Variants in CDH18 observed in about 807,000 individuals in gnomAD.
The protein encoded by CDH18 is cadherin 18.
CDH18 carries 31 observed loss-of-function variants against 67.9 expected under a neutral mutation model. The ratio of observed to expected loss-of-function variants is 0.46; its 90% CI spans 0.34 to 0.62. CDH18 has a LOEUF of 0.62. Ranked by LOEUF, CDH18 falls within the 20% of genes least tolerant of loss-of-function variation. The pLI is 0.01. For missense variants in CDH18, 890 were observed against 975.5 expected (o/e 0.91, Z 1.17); for synonymous variants, 362 against 347.2 (o/e 1.04, Z -0.48).
chr5:20,546,401 A>T (rs906330354), intron 1 of CDH18, among the ~76,000 whole-genome samples: 2 of 45,842 alleles, frequency 4.4e-5, no homozygotes, highest in Admixed American at 2.4e-4. Context: ...ACACTACTAT[A>T]AAAAAAAACT....
At chr5:19,952,250 C>G (rs1268709460) in intron 2 of CDH18, among the ~76,000 whole-genome samples, 2 of 152,038 alleles carry the variant, frequency 1.3e-5, no homozygotes, top group African/African-American at 2.4e-5. Context: ...AGGGTTTCAC[C>G]GTGTTAGCCA....
intron 2 of CDH18, among the ~76,000 whole-genome samples, chr5:20,174,320 T>C (rs746386446): frequency 1.4e-4 from 21 of 152,180 alleles, no homozygotes; most frequent in Admixed American, 2.6e-4. Context: ...AGCTCTACTC[T>C]ACTCTCAGCC....
chr5:20,522,930 T>C (rs1031200286), intron 1 of CDH18, among the ~76,000 whole-genome samples: 3 of 152,206 alleles, frequency 2.0e-5, no homozygotes, highest in Admixed American at 2.0e-4. Flanking sequence ...TCAATAATGA[T>C]TATTATGCAA....
At chr5:19,501,667 TTTAAA>T (rs1165842519) in intron 11 of CDH18, among the ~76,000 whole-genome samples, 3 of 152,044 alleles carry the variant, frequency 2.0e-5, no homozygotes, top group Non-Finnish European at 4.4e-5. Flanking sequence ...TGTTATCAAA[TTTAAA>T]TTATTTTAAA....
At chr5:19,856,497 A>G (rs928550573) in intron 2 of CDH18, among the ~76,000 whole-genome samples, 3 of 152,178 alleles carry the variant, frequency 2.0e-5, no homozygotes, top group Non-Finnish European at 4.4e-5. Flanking sequence ...TCTGGCTTCA[A>G]TGTTGCAGTA....
intron 2 of CDH18, among the ~76,000 whole-genome samples, chr5:20,090,234 G>A (rs929866849): frequency 6.6e-6 from 1 of 152,060 alleles, no homozygotes; most frequent in African/African-American, 2.4e-5. Flanking sequence ...TTTGAATGAA[G>A]TATAAAAAAC....
chr5:20,212,193 A>T (rs1740406278), intron 2 of CDH18, among the ~76,000 whole-genome samples: 1 of 152,124 alleles, frequency 6.6e-6, no homozygotes, highest in Non-Finnish European at 1.5e-5. Context: ...GATTGAAGAT[A>T]AAATGAATGA....
chr5:20,403,142 C>T (rs550571017), intron 1 of CDH18, among the ~76,000 whole-genome samples: 7 of 152,098 alleles, frequency 4.6e-5, no homozygotes, highest in Non-Finnish European at 1.0e-4. Context: ...GAAACAACTC[C>T]TCACCTATTT....
intron 1 of CDH18, among the ~76,000 whole-genome samples, chr5:19,981,493 T>C (rs987337739): frequency 1.1e-4 from 16 of 152,206 alleles, no homozygotes; most frequent in African/African-American, 3.6e-4. Context: ...TGGCATCTGG[T>C]GAGGGCTTTC....
chr5:20,567,586 T>G (rs1758585255), intron 1 of CDH18, among the ~76,000 whole-genome samples: 1 of 152,088 alleles, frequency 6.6e-6, no homozygotes, highest in Non-Finnish European at 1.5e-5. Flanking sequence ...GTGAAGAGCA[T>G]TATAAGGTCA....
At chr5:19,833,028 C>T (rs1014183350) in intron 3 of CDH18, among the ~76,000 whole-genome samples, 14 of 151,950 alleles carry the variant, frequency 9.2e-5, no homozygotes, top group Admixed American at 7.2e-4. Context: ...ATTTCATATG[C>T]AATTTAAAAT....
chr5:19,716,909 T>C (rs1042539522), intron 5 of CDH18, among the ~76,000 whole-genome samples: 1 of 152,088 alleles, frequency 6.6e-6, no homozygotes, highest in Admixed American at 6.6e-5. Flanking sequence ...TGAAAAATGA[T>C]ACATGAGTTT....
intron 10 of CDH18, 119 bp from the exon 11 acceptor site, chr5:19,503,228 T>C (rs3749622): frequency 0.18 from 106,680 of 601,378 alleles, 10,667 homozygotes; most frequent in African/African-American, 0.26. Flanking sequence ...CCAACTTGAG[T>C]TATTTTTCAA....
intron 1 of CDH18, among the ~76,000 whole-genome samples, chr5:20,377,349 A>C (rs373250467): frequency 2.8e-4 from 43 of 152,356 alleles, no homozygotes; most frequent in Non-Finnish European, 5.3e-4. Flanking sequence ...CATTTCCAAA[A>C]AAATGAGAAA....
In CDH18 at chr5:19,747,204, A is replaced by T. The variant is rs1178718586; in HGVS notation, c.261T>A (p.Ser87=). 3.1e-6 allele frequency: 5 copies of T among 1,613,856 alleles called. No individual in the cohort carries two copies. Among genetic ancestry groups the T allele is most frequent in the Non-Finnish European group, 4.2e-6 (5 of 1,179,858 alleles). ...CCTCTCCAGTAAGGATGTACTTGAC[A>T]GATCCATCACCTTTGTCAGAATTGG... ...LHSNSDKGDG[S]VKYILTGEGA... is the part of the protein sequence containing the mutation. Residue 87 remains serine (S), a synonymous_variant, in exon 4 of 13, where the codon TCT becomes TCA. Transcript: ENST00000382275.
At chr5:19,548,466 G>C (rs974260650) in intron 8 of CDH18, among the ~76,000 whole-genome samples, 2 of 151,886 alleles carry the variant, frequency 1.3e-5, no homozygotes, top group African/African-American at 4.8e-5. Flanking sequence ...AGGCAGAGAG[G>C]AAATACTTAA....
chr5:20,173,072 G>C (rs2126657150), intron 2 of CDH18, among the ~76,000 whole-genome samples: 1 of 152,158 alleles, frequency 6.6e-6, no homozygotes, highest in South Asian at 2.1e-4. Context: ...AGAATATTCA[G>C]AAATTCTTCA....
intron 1 of CDH18, among the ~76,000 whole-genome samples, chr5:20,285,079 TA>T (rs916382575): frequency 7.9e-5 from 12 of 151,734 alleles, no homozygotes; most frequent in African/African-American, 2.9e-4. Context: ...CTCTCATAAA[TA>T]AAGAGTATAT....
At chr5:20,121,321 G>T (rs1315470318) in intron 2 of CDH18, among the ~76,000 whole-genome samples, 3 of 152,096 alleles carry the variant, frequency 2.0e-5, no homozygotes. Context: ...CTACAGGAAG[G>T]ATTAAAGAAA....
Sources: allele counts gnomAD v4.1 joint callset (sites outside exome capture counted in the v4.1 genomes callset), GRCh38; gene constraint gnomAD v4.1.1; transcripts MANE v1.5; gene names NCBI Gene and HGNC (gene_info 2026-07-23, HGNC 2026-07-21).